Variants in GRID2 observed in about 807,000 individuals in gnomAD.
GRID2 encodes glutamate ionotropic receptor delta type subunit 2.
GRID2 carries 33 observed loss-of-function variants against 114.8 expected under a neutral mutation model. The ratio of observed to expected loss-of-function variants is 0.29; its 90% CI spans 0.22 to 0.38. The LOEUF (loss-of-function observed/expected upper bound fraction) is 0.38. Ranked by LOEUF, GRID2 falls within the 10% of genes least tolerant of loss-of-function variation. The pLI is 1.00. For synonymous variants in GRID2, 505 were observed against 449.9 expected, an observed-to-expected ratio of 1.12 and a Z score of -1.55; for missense variants, 1,184 against 1,257.7, an observed-to-expected ratio of 0.94 and a Z score of 0.89.
At chr4:92,528,007 A>AT (rs577095015) in intron 1 of GRID2, among the ~76,000 whole-genome samples, 2 of 152,112 alleles carry the variant, frequency 1.3e-5, no homozygotes, top group South Asian at 4.1e-4. Context: ...AAACAATGAT[A>AT]TTTTTGACAC....
In GRID2 at chr4:93,085,208, A is replaced by G; in HGVS notation, c.458A>G (p.His153Arg). The change falls in exon 3 of 16, where the codon CAT becomes CGT. Residue 153 changes from histidine (H) to arginine (R), a missense_variant. His to Arg is a conservative substitution (Grantham distance 29). Transcript: ENST00000282020. ...TCAGTTCGCCCACCTGTCTACTTGC[A>G]TGATGTTATCCTAAGAGTGGTCACA... ...TLSVRPPVYL[H>R]DVILRVVTEY... 6.2e-7 allele frequency: 1 copy of G among 1,613,880 alleles called. No homozygotes were observed. The highest frequency in any genetic ancestry group is 1.3e-5 in the African/African-American group (1 of 75,050).
chr4:92,339,564 C>T (rs1321398146), intron 1 of GRID2, among the ~76,000 whole-genome samples: 1 of 152,084 alleles, frequency 6.6e-6, no homozygotes, highest in Non-Finnish European at 1.5e-5. Context: ...GGAGATGGAA[C>T]TGTGGAATTT....
chr4:93,616,581 A>T (rs1578407346), intron 13 of GRID2, among the ~76,000 whole-genome samples: 1 of 106,782 alleles, frequency 9.4e-6, no homozygotes, highest in Non-Finnish European at 1.8e-5. Context: ...TATTTTTATA[A>T]ATATTTATAA....
intron 2 of GRID2, among the ~76,000 whole-genome samples, chr4:92,794,375 T>C (rs910599489): frequency 5.3e-5 from 8 of 151,902 alleles, no homozygotes; most frequent in Non-Finnish European, 7.4e-5. Flanking sequence ...TATATGTGTG[T>C]ATATACATAT....
chr4:92,958,508 C>T lies in GRID2; in HGVS notation c.245-126487C>T, dbSNP rs140702151. 7.6e-3 allele frequency among the ~76,000 whole-genome samples: 1,157 copies of T among 152,118 alleles called. 16 individuals are homozygous for T. Among genetic ancestry groups the T allele is most frequent in the African/African-American group, 0.026 (1,092 of 41,532 alleles). On this transcript the variant is annotated intron_variant, in intron 2 of 15. Coordinates refer to ENST00000282020, the MANE Select transcript of GRID2 (RefSeq NM_001510.4). Reference sequence around the variant, plus strand: ...GAATATTGAACCAGCCTTGTATATCCGGGATAAATCCCACTTGGTCATGGC... The same window carrying T: ...GAATATTGAACCAGCCTTGTATATCTGGGATAAATCCCACTTGGTCATGGC...
rs961686141 is a variant in GRID2 at position 93,063,834 on chromosome 4, C to A, written c.245-21161C>A. ...TTATTTAGGAAGTTATATATCCAGG[C>A]TGAATTTCCGTATTGATTAAAAAAT... On this transcript the variant is annotated intron_variant, in intron 2 of 15. Transcript: ENST00000282020. 2.0e-5 allele frequency among the ~76,000 whole-genome samples: 3 copies of A among 151,590 alleles called. 1 individual carries two copies. Among genetic ancestry groups the A allele is most frequent in the Middle Eastern group, 6.4e-3 (2 of 314 alleles).
chr4:93,596,032 T>C (rs1387240925), intron 13 of GRID2, among the ~76,000 whole-genome samples: 2 of 152,206 alleles, frequency 1.3e-5, no homozygotes, highest in African/African-American at 4.8e-5. Flanking sequence ...TATTTGTTTA[T>C]TCTACATCTG....
intron 2 of GRID2, among the ~76,000 whole-genome samples, chr4:92,941,902 G>T (rs1251259828): frequency 6.6e-6 from 1 of 152,174 alleles, no homozygotes; most frequent in African/African-American, 2.4e-5. Flanking sequence ...TTCATCCTGA[G>T]TTCTAGTTTG....
intron 14 of GRID2, among the ~76,000 whole-genome samples, chr4:93,673,316 T>C (rs1278449945): frequency 1.3e-5 from 2 of 152,192 alleles, no homozygotes; most frequent in Non-Finnish European, 2.9e-5. Context: ...GTAAACATTT[T>C]ATGTTTTAAA....
At chr4:92,810,648 A>G (rs1740624881) in intron 2 of GRID2, among the ~76,000 whole-genome samples, 1 of 152,122 alleles carries the variant, frequency 6.6e-6, no homozygotes, top group African/African-American at 2.4e-5. Flanking sequence ...TTCTTACCAC[A>G]GTAAGAAAAA....
chr4:93,782,198 G>A (rs1340705983), intron 1 of GRID2, among the ~76,000 whole-genome samples: 1 of 152,036 alleles, frequency 6.6e-6, no homozygotes, highest in East Asian at 1.9e-4. Flanking sequence ...TGTCTCCAAG[G>A]TCCTTAAGGA....
At chr4:92,677,213 G>A (rs955809796) in intron 2 of GRID2, among the ~76,000 whole-genome samples, 3 of 152,154 alleles carry the variant, frequency 2.0e-5, no homozygotes, top group African/African-American at 7.2e-5. Flanking sequence ...TACACACAGT[G>A]TGAATGTACT....
chr4:93,520,097 G>A (rs961998025), intron 13 of GRID2, among the ~76,000 whole-genome samples: 1 of 152,176 alleles, frequency 6.6e-6, no homozygotes, highest in Middle Eastern at 3.2e-3. Flanking sequence ...TAGTGAGTAA[G>A]CTTACCCCAG....
At chr4:93,053,502 G>A (rs552285703) in intron 2 of GRID2, among the ~76,000 whole-genome samples, 123 of 151,880 alleles carry the variant, frequency 8.1e-4, no homozygotes, top group African/African-American at 2.7e-3. Flanking sequence ...TCTCTCCTTC[G>A]AAGGCACAGA....
At chr4:92,791,451 TATG>T (rs1739587181) in intron 2 of GRID2, among the ~76,000 whole-genome samples, 1 of 151,896 alleles carries the variant, frequency 6.6e-6, no homozygotes, top group Non-Finnish European at 1.5e-5. Context: ...ATATAATTTT[TATG>T]ATTAGTTTTA....
At chr4:93,031,847 A>G (rs1396596978) in intron 2 of GRID2, among the ~76,000 whole-genome samples, 1 of 151,976 alleles carries the variant, frequency 6.6e-6, no homozygotes, top group Non-Finnish European at 1.5e-5. Flanking sequence ...TTTGGGGAAG[A>G]TAGTAGTGAC....
intron 14 of GRID2, among the ~76,000 whole-genome samples, chr4:93,751,708 C>T (rs1321487454): frequency 8.5e-5 from 13 of 152,160 alleles, no homozygotes. Context: ...TTCTGTCCCT[C>T]AAACTAAACC....
At chr4:92,999,150 A>G (rs966254913) in intron 2 of GRID2, among the ~76,000 whole-genome samples, 9 of 151,894 alleles carry the variant, frequency 5.9e-5, no homozygotes, top group Non-Finnish European at 1.2e-4. Flanking sequence ...AAAGGTAGGA[A>G]AATAGAAAAT....
At chr4:92,908,516 C>T (rs1206586908) in intron 2 of GRID2, among the ~76,000 whole-genome samples, 2 of 145,596 alleles carry the variant, frequency 1.4e-5, no homozygotes, top group Non-Finnish European at 3.0e-5. Context: ...GAGTCGACAT[C>T]GTGCCACTGC....
Sources: allele counts gnomAD v4.1 joint callset (sites outside exome capture counted in the v4.1 genomes callset), GRCh38; gene constraint gnomAD v4.1.1; transcripts MANE v1.5; gene names NCBI Gene and HGNC (gene_info 2026-07-23, HGNC 2026-07-21).